The following SDC3 variants were observed in gnomAD, a reference collection of about 807,000 sequenced individuals.
The protein encoded by SDC3 is syndecan-3.
SDC3 carries 13 observed loss-of-function variants against 24.4 expected under a neutral mutation model. That is an observed-to-expected ratio of 0.53 (90% CI 0.35 to 0.85). The LOEUF (loss-of-function observed/expected upper bound fraction) is 0.85, where lower values mean the gene tolerates loss of function less well. Among genes scored for constraint, SDC3 ranks in the 40% least tolerant of loss-of-function variants. The pLI is 0.01. For synonymous variants in SDC3, 295 were observed against 260.9 expected (o/e 1.13, Z -1.26); for missense variants, 571 against 584.5 (o/e 0.98, Z 0.24).
At chr1:30,902,118 G>A (rs1481883101) in intron 1 of SDC3, among the ~76,000 whole-genome samples, 1 of 152,214 alleles carries the variant, frequency 6.6e-6, no homozygotes, top group Admixed American at 6.5e-5. Context: ...TGGGGAGAAG[G>A]CAGGCCTCAG....
intron 1 of SDC3, among the ~76,000 whole-genome samples, chr1:30,907,212 G>A (rs566624198): frequency 1.1e-4 from 17 of 152,200 alleles, no homozygotes; most frequent in Non-Finnish European, 1.6e-4. Context: ...CAACCTGGGA[G>A]GCTGGACCTA....
At chr1:30,906,373 G>C (rs1638520353) in intron 1 of SDC3, among the ~76,000 whole-genome samples, 1 of 151,980 alleles carries the variant, frequency 6.6e-6, no homozygotes, top group African/African-American at 2.4e-5. Context: ...GGGTCTGCTT[G>C]ATCTGCCACC....
chr1:30,875,793 C>A (rs12047581), intron 3 of SDC3, among the ~76,000 whole-genome samples: 3 of 152,162 alleles, frequency 2.0e-5, no homozygotes, highest in Non-Finnish European at 2.9e-5. Flanking sequence ...TGACTGTCAT[C>A]GCTGGCTGCG....
chr1:30,871,415 A>G lies in SDC3; in HGVS notation c.*1796T>C, dbSNP rs1429633034. 6.6e-6 allele frequency: 1 copy of G among 152,240 alleles called. No individual in the cohort carries two copies. Among genetic ancestry groups the G allele is most frequent in the Non-Finnish European group, 1.5e-5 (1 of 68,064 alleles). The allele number at this position is 152,240 out of a possible 1,614,324, so 9.4% of individuals were successfully genotyped here. A position where few individuals can be genotyped will look rare whatever the true frequency, so the allele number is the denominator to read the frequency against. On this transcript the variant is annotated 3_prime_UTR_variant, in exon 5 of 5. Coordinates refer to ENST00000339394, the MANE Select transcript of SDC3 (RefSeq NM_014654.4). Reference sequence around the variant, plus strand: ...CAAAAGATCTGTGACCCCACATTTAAAATACCGATGGAAATAGCCCTACTT... The same window carrying G: ...CAAAAGATCTGTGACCCCACATTTAGAATACCGATGGAAATAGCCCTACTT...
At chr1:30,878,762 A>G in intron 1 of SDC3, 22 bp from the exon 2 acceptor site, 1 of 1,607,782 alleles carries the variant, frequency 6.2e-7, no homozygotes, top group East Asian at 2.2e-5. Context: ...AGAGGTGGAC[A>G]CAGGGCTCGG....
chr1:30,902,190 G>A (rs1249164014), intron 1 of SDC3, among the ~76,000 whole-genome samples: 3 of 152,174 alleles, frequency 2.0e-5, no homozygotes, highest in Admixed American at 6.5e-5. Flanking sequence ...CAGCATAGGC[G>A]TTTCCTGCCC....
At chr1:30,900,688 C>CCACAG (rs1638398282) in intron 1 of SDC3, among the ~76,000 whole-genome samples, 1 of 152,188 alleles carries the variant, frequency 6.6e-6, no homozygotes. Flanking sequence ...AATGAGCCGC[C>CCACAG]CACAGCCCCC....
chr1:30,888,745 G>A (rs1306700371), intron 1 of SDC3, among the ~76,000 whole-genome samples: 1 of 152,196 alleles, frequency 6.6e-6, no homozygotes, highest in African/African-American at 2.4e-5. Context: ...CCCCCAGCCT[G>A]GAGCAGTCCC....
chr1:30,874,041 A>G (rs1371373383), intron 4 of SDC3, among the ~76,000 whole-genome samples: 1 of 152,190 alleles, frequency 6.6e-6, no homozygotes, highest in African/African-American at 2.4e-5. Flanking sequence ...CAGAGTCCAC[A>G]GAGGGGTCAG....
intron 1 of SDC3, among the ~76,000 whole-genome samples, chr1:30,900,001 A>C (rs1638381413): frequency 6.6e-6 from 1 of 152,236 alleles, no homozygotes; most frequent in African/African-American, 2.4e-5. Context: ...GAAAAGAAAG[A>C]GATCAAAATG....
chr1:30,893,189 T>A (rs532226054), intron 1 of SDC3, among the ~76,000 whole-genome samples: 19 of 151,216 alleles, frequency 1.3e-4, no homozygotes, highest in African/African-American at 4.1e-4. Flanking sequence ...GCCCATGCAA[T>A]CTCTGTGCAC....
At chr1:30,877,321 G>T in intron 2 of SDC3, 156 bp from the exon 3 acceptor site, 2 of 1,018,840 alleles carry the variant, frequency 2.0e-6, no homozygotes, top group African/African-American at 1.6e-5. Context: ...GGAAGGCACA[G>T]CCCAGCTAAA....
At position 30,871,290 on chromosome 1, in the gene SDC3, C is replaced by T. The variant is rs1239088531; in HGVS notation, c.*1921G>A. 2 of 152,290 alleles carry T rather than the reference C, an allele frequency of 1.3e-5. No individual in the cohort carries two copies. Among genetic ancestry groups the T allele is most frequent in the South Asian group, 2.1e-4 (1 of 4,836 alleles). The allele number at this position is 152,290 out of a possible 1,614,324, so 9.4% of individuals were successfully genotyped here. On this transcript the variant is annotated 3_prime_UTR_variant, in exon 5 of 5. Coordinates refer to ENST00000339394, the MANE Select transcript of SDC3 (RefSeq NM_014654.4). Reference sequence around the variant, plus strand: ...TAAAACCTGCCTTCCTGACTTGAATCTGGGATGTGGGTGAGGGGTGGGGGT... The same window carrying T: ...TAAAACCTGCCTTCCTGACTTGAATTTGGGATGTGGGTGAGGGGTGGGGGT...
chr1:30,884,779 A>G (rs1639804254), intron 1 of SDC3, among the ~76,000 whole-genome samples: 1 of 152,230 alleles, frequency 6.6e-6, no homozygotes, highest in Non-Finnish European at 1.5e-5. Flanking sequence ...ACTCCCAAGA[A>G]TTTGATCCTT....
At position 30,878,681 on chromosome 1, in the gene SDC3, A is replaced by T. The variant is rs1333249451; in HGVS notation, c.198T>A (p.Asp66Glu). 1.9e-6 allele frequency: 3 copies of T among 1,614,182 alleles called. No individual in the cohort carries two copies. Residue 66 changes from aspartate (D) to glutamate (E), a missense_variant, in exon 2 of 5, where the codon GAT (aspartate) becomes GAA (glutamate). Transcript: ENST00000339394. Reference sequence around the variant, plus strand: ...GTTCATCATCGGGAAAGGAGTCATCATCCCCAGAGCCCTCCAGGTCCACGG... The same window carrying T: ...GTTCATCATCGGGAAAGGAGTCATCTTCCCCAGAGCCCTCCAGGTCCACGG... The part of the protein sequence containing the change: ...ERPVDLEGSG[D>E]DDSFPDDELD...
chr1:30,877,378 A>T, intron 2 of SDC3: 1 of 660,830 alleles, frequency 1.5e-6, no homozygotes, highest in Non-Finnish European at 2.6e-6. Flanking sequence ...CCAAGTCAAA[A>T]ATTCTGGGGG....
chr1:30,874,905 C>A (rs1182825198), intron 3 of SDC3, among the ~76,000 whole-genome samples: 1 of 152,212 alleles, frequency 6.6e-6, no homozygotes, highest in Non-Finnish European at 1.5e-5. Flanking sequence ...ACATCCTGTC[C>A]CCCTCATGTC....
intron 1 of SDC3, among the ~76,000 whole-genome samples, chr1:30,893,303 G>GCCCCCC (rs59392837): frequency 4.4e-4 from 6 of 13,534 alleles, no homozygotes; most frequent in Admixed American, 9.9e-4. Flanking sequence ...CCCACCAGGA[G>GCCCCCC]CCCCCCCCCC....
At chr1:30,883,400 G>C (rs983116369) in intron 1 of SDC3, among the ~76,000 whole-genome samples, 1 of 152,180 alleles carries the variant, frequency 6.6e-6, no homozygotes, top group Non-Finnish European at 1.5e-5. Flanking sequence ...CACTTTCCTG[G>C]TGACCAGAGG....
Sources: gnomAD v4.1 joint callset for allele counts (sites outside exome capture counted in the v4.1 genomes callset) on GRCh38, gnomAD v4.1.1 for gene constraint, MANE v1.5 for transcripts, NCBI Gene and HGNC (gene_info 2026-07-23, HGNC 2026-07-21) for gene names.